Variants in CHD2 observed in about 807,000 individuals in gnomAD.
CHD2 encodes chromodomain helicase DNA binding protein 2.
A neutral mutation model predicts 243.9 loss-of-function variants in CHD2; 28 were observed. The observed-to-expected ratio is 0.11, with a 90% CI of 0.09 to 0.16. The LOEUF (loss-of-function observed/expected upper bound fraction) is 0.16. Among genes scored for constraint, CHD2 ranks in the 10% least tolerant of loss-of-function variants. The probability of loss-of-function intolerance (pLI) is 1.00; values close to 1 mark genes in which losing one functional copy is unlikely to be tolerated. For missense variants in CHD2, 1,386 were observed against 2,209.8 expected, an observed-to-expected ratio of 0.63 and a Z score of 7.47; for synonymous variants, 775 against 779.0, an observed-to-expected ratio of 0.99 and a Z score of 0.09.
intron 2 of CHD2, among the ~76,000 whole-genome samples, chr15:92,905,883 AAAGT>A (rs752295164): frequency 6.6e-5 from 10 of 152,252 alleles, no homozygotes; most frequent in Admixed American, 5.2e-4. Context: ...CACAAGAACG[AAAGT>A]AATAATCTCA....
intron 26 of CHD2, among the ~76,000 whole-genome samples, chr15:92,986,822 C>G (rs1210885050): frequency 6.6e-6 from 1 of 152,144 alleles, no homozygotes; most frequent in Non-Finnish European, 1.5e-5. Flanking sequence ...CTCAAGTGAT[C>G]CTCCTGCCTG....
intron 4 of CHD2, among the ~76,000 whole-genome samples, chr15:92,927,654 A>T (rs1217651351): frequency 6.6e-6 from 1 of 152,168 alleles, no homozygotes; most frequent in African/African-American, 2.4e-5. Flanking sequence ...TAAGCCCCTA[A>T]CTTCTAAATC....
rs560146585 is a variant in CHD2, at chr15:93,004,829, A to G, written c.4413+78A>G. The G allele has an allele frequency of 6.1e-6, 9 of 1,476,460 alleles. No homozygotes were observed. The South Asian group carries it at 9.5e-5, about 16-fold the overall frequency. 91.5% of individuals were successfully genotyped at this position (1,476,460 alleles called of 1,614,324 possible). ...GGCTCTGCCTTTTATAGGTCCAGCC[A>G]GAGCTTCAGTTGAGCTAAGCAATAG... is the stretch of plus-strand genomic sequence containing the variant. On this transcript the variant is annotated intron_variant, in intron 34 of 38. Coordinates refer to ENST00000394196, the MANE Select transcript of CHD2 (RefSeq NM_001271.4).
intron 24 of CHD2, among the ~76,000 whole-genome samples, chr15:92,983,046 G>C (rs1407076579): frequency 1.3e-5 from 2 of 152,100 alleles, no homozygotes; most frequent in African/African-American, 4.8e-5. Flanking sequence ...TCTTCCCATG[G>C]TAGAGAGAGA....
intron 13 of CHD2, 72 bp from the exon 14 acceptor site, chr15:92,953,285 G>A: frequency 8.2e-7 from 1 of 1,226,710 alleles, no homozygotes; most frequent in Non-Finnish European, 1.2e-6. Context: ...TGGTGTCGTT[G>A]CTGTTTATGC....
At chr15:92,959,493 A>G (rs1486147649) in intron 16 of CHD2, among the ~76,000 whole-genome samples, 1 of 151,484 alleles carries the variant, frequency 6.6e-6, no homozygotes, top group African/African-American at 2.4e-5. Flanking sequence ...CTGTTTTTTT[A>G]TTTTTTATTT....
chr15:93,002,141 T>C (rs1295776253), intron 32 of CHD2, 36 bp from the exon 33 acceptor site: 5 of 1,569,226 alleles, frequency 3.2e-6, no homozygotes, highest in African/African-American at 1.4e-5. Flanking sequence ...ATATAAAATT[T>C]GTAGCAAAAA....
At chr15:93,013,644 A>G (rs2054419943) in intron 36 of CHD2, among the ~76,000 whole-genome samples, 1 of 152,228 alleles carries the variant, frequency 6.6e-6, no homozygotes, top group South Asian at 2.1e-4. Context: ...TAAGAAATAC[A>G]TTCAATGTGG....
chr15:93,001,708 G>C (rs2054259007), intron 32 of CHD2, among the ~76,000 whole-genome samples: 1 of 151,992 alleles, frequency 6.6e-6, no homozygotes, highest in African/African-American at 2.4e-5. Context: ...GAAGAGACAG[G>C]GTTTCACCAT....
At chr15:92,927,524 G>A (rs1400668257) in intron 4 of CHD2, among the ~76,000 whole-genome samples, 194 bp downstream of exon 4, 5 of 152,090 alleles carry the variant, frequency 3.3e-5, no homozygotes, top group Non-Finnish European at 7.4e-5. Context: ...TAACCAGAAA[G>A]ATCATATAAT....
intron 2 of CHD2, among the ~76,000 whole-genome samples, chr15:92,910,560 ACTT>A (rs2052713804): frequency 6.6e-6 from 1 of 151,938 alleles, no homozygotes; most frequent in South Asian, 2.1e-4. Context: ...ACACCCAGCT[ACTT>A]CTTACTATTT....
rs1349867155 is a variant in CHD2 at position 92,901,210 on chromosome 15, CT to C, written c.-27del. 2.1e-6 allele frequency: 3 copies of C among 1,421,784 alleles called. No individual in the cohort carries two copies. Among genetic ancestry groups the C allele is most frequent in the East Asian group, 4.6e-5 (2 of 43,302 alleles). The allele number at this position is 1,421,784 out of a possible 1,614,324, so 88.1% of individuals were successfully genotyped here. A position where few individuals can be genotyped will look rare whatever the true frequency, so the allele number is the denominator to read the frequency against. The stretch of plus-strand genomic sequence containing the variant: ...ACTTCAAAGCAAACACAGATTCCCC[CT>C]CCCCCTTAATATTTAAGAATTAAAA... On this transcript the variant is annotated 5_prime_UTR_variant, in exon 2 of 39. Coordinates refer to ENST00000394196, the MANE Select transcript of CHD2 (RefSeq NM_001271.4).
intron 5 of CHD2, among the ~76,000 whole-genome samples, chr15:92,933,991 C>G (rs536443943): frequency 6.6e-6 from 1 of 152,168 alleles, no homozygotes; most frequent in African/African-American, 2.4e-5. Context: ...TTCTGTTGAT[C>G]ATTGGAATTT....
At chr15:92,963,649 G>A (rs2053718673) in intron 16 of CHD2, among the ~76,000 whole-genome samples, 1 of 152,100 alleles carries the variant, frequency 6.6e-6, no homozygotes, top group Non-Finnish European at 1.5e-5. Context: ...AGTCTGAAGG[G>A]CTTCCTTTAT....
At chr15:92,935,512 G>A (rs980370722) in intron 5 of CHD2, among the ~76,000 whole-genome samples, 5 of 152,148 alleles carry the variant, frequency 3.3e-5, no homozygotes, top group Non-Finnish European at 7.3e-5. Flanking sequence ...TCAATTCCTG[G>A]GGGAGATATG....
intron 36 of CHD2, among the ~76,000 whole-genome samples, chr15:93,014,422 C>A (rs1249272338): frequency 2.6e-5 from 4 of 152,176 alleles, no homozygotes; most frequent in African/African-American, 9.7e-5. Flanking sequence ...GGCGCCTACA[C>A]CATACCCTGT....
chr15:92,961,083 T>G (rs1306965924), intron 16 of CHD2, among the ~76,000 whole-genome samples: 2 of 152,202 alleles, frequency 1.3e-5, no homozygotes, highest in Non-Finnish European at 2.9e-5. Context: ...TTTGTTTTGA[T>G]GTTTACGTTG....
chr15:92,939,301 A>G (rs555818028), intron 6 of CHD2, among the ~76,000 whole-genome samples: 3 of 152,346 alleles, frequency 2.0e-5, no homozygotes, highest in African/African-American at 7.2e-5. Flanking sequence ...GTGTTTTTAT[A>G]TCAGGTAATC....
At chr15:93,015,356 G>A (rs986573123) in intron 37 of CHD2, among the ~76,000 whole-genome samples, 2 of 152,288 alleles carry the variant, frequency 1.3e-5, no homozygotes, top group African/African-American at 4.8e-5. Flanking sequence ...TGGGATTACA[G>A]GTGTGAACCA....
Sources: allele counts gnomAD v4.1 joint callset (sites outside exome capture counted in the v4.1 genomes callset), GRCh38; gene constraint gnomAD v4.1.1; transcripts MANE v1.5; gene names NCBI Gene and HGNC (gene_info 2026-07-23, HGNC 2026-07-21).